Variants in TENM2 observed in about 807,000 individuals in gnomAD.
TENM2 encodes the protein teneurin-2.
TENM2 carries 52 observed loss-of-function variants against 245.2 expected under a neutral mutation model. That is an observed-to-expected ratio of 0.21 (90% CI 0.17 to 0.27). TENM2 has a LOEUF of 0.27. Among genes scored for constraint, TENM2 ranks in the 10% least tolerant of loss-of-function variants. TENM2 has a pLI of 1.00. For synonymous variants in TENM2, 1,363 were observed against 1,438.9 expected, an observed-to-expected ratio of 0.95 and a Z score of 1.19; for missense variants, 3,046 against 3,666.8, an observed-to-expected ratio of 0.83 and a Z score of 4.37.
At chr5:168,184,275 CAA>C (rs943461846) in intron 13 of TENM2, among the ~76,000 whole-genome samples, 4 of 152,166 alleles carry the variant, frequency 2.6e-5, no homozygotes, top group Non-Finnish European at 5.9e-5. Context: ...ACCATGACTG[CAA>C]AGAGTGCAGC....
rs149903695 is a variant in TENM2, at chr5:167,424,533, C to T, written c.502+49060C>T. On this transcript the variant is annotated intron_variant, in intron 2 of 28. Transcript: ENST00000518659. ...AAGGATAATAATTTTGCCGCAATCT[C>T]GTCACTTTTATTTTTAATTGTTGTG... Among the ~76,000 whole-genome samples the T allele has an allele frequency of 9.9e-5, 15 of 152,250 alleles. No individual in the cohort carries two copies. The East Asian group carries it at 1.5e-3, about 16-fold the overall frequency.
At chr5:167,940,980 C>T (rs1214139059) in intron 3 of TENM2, among the ~76,000 whole-genome samples, 5 of 152,190 alleles carry the variant, frequency 3.3e-5, no homozygotes, top group Non-Finnish European at 7.3e-5. Flanking sequence ...GATTATTTCA[C>T]GTGAGAGATG....
chr5:167,257,318 G>T, the TENM2 span, among the ~76,000 whole-genome samples: 1 of 151,672 alleles, frequency 6.6e-6, no homozygotes, highest in Non-Finnish European at 1.5e-5. Context: ...TATTCCATTT[G>T]AAGGTTATAA....
chr5:167,277,227 G>T, the TENM2 span, among the ~76,000 whole-genome samples: 1 of 151,450 alleles, frequency 6.6e-6, no homozygotes, highest in Non-Finnish European at 1.5e-5. Context: ...GGCTTTTTCT[G>T]TTGTCCAGTG....
At chr5:168,228,415 G>A (rs1764450493) in intron 25 of TENM2, among the ~76,000 whole-genome samples, 1 of 152,176 alleles carries the variant, frequency 6.6e-6, no homozygotes, top group African/African-American at 2.4e-5. Context: ...GCCATTTCCT[G>A]CTATGGGGAT....
chr5:168,146,318 T>A (rs1458764588), intron 12 of TENM2, among the ~76,000 whole-genome samples: 1 of 152,134 alleles, frequency 6.6e-6, no homozygotes, highest in Non-Finnish European at 1.5e-5. Context: ...CTAAAAAGGT[T>A]TCTAGGATGG....
the TENM2 span, among the ~76,000 whole-genome samples, chr5:167,001,511 G>T: frequency 5.3e-5 from 8 of 149,720 alleles, no homozygotes; most frequent in Middle Eastern, 3.6e-3. Flanking sequence ...TGCATGAAAA[G>T]AACAGTGTCT....
downstream of TENM2, chr5:168,263,707 C>G (rs1768412825): frequency 6.6e-6 from 1 of 152,522 alleles, no homozygotes; most frequent in South Asian, 2.1e-4. Context: ...TACGCAGTTA[C>G]AGGGTGTAGT....
intron 2 of TENM2, among the ~76,000 whole-genome samples, chr5:167,626,883 C>A (rs908081788): frequency 2.6e-5 from 4 of 152,236 alleles, no homozygotes; most frequent in Admixed American, 2.6e-4. Context: ...ACACCGGGGC[C>A]GCCACAGTGG....
rs181889452 is a variant in TENM2 at position 167,871,874 on chromosome 5, T to C, written c.503-4112T>C. Among the ~76,000 whole-genome samples the C allele has an allele frequency of 9.8e-5, 15 of 152,344 alleles. No individual in the cohort carries two copies. The East Asian group carries it at 2.5e-3, about 25-fold the overall frequency. Reference sequence around the variant, plus strand: ...TTTATAAAGTGAGCCTGTAGAAGTTTCAGTTTTCTCCCCTGTACTTTGGAA... The same window carrying C: ...TTTATAAAGTGAGCCTGTAGAAGTTCCAGTTTTCTCCCCTGTACTTTGGAA... On this transcript the variant is annotated intron_variant, in intron 2 of 28. Coordinates refer to ENST00000518659, the Ensembl canonical transcript of TENM2.
chr5:167,718,051 A>G (rs1253748506), intron 2 of TENM2, among the ~76,000 whole-genome samples: 1 of 152,188 alleles, frequency 6.6e-6, no homozygotes, highest in South Asian at 2.1e-4. Flanking sequence ...AATATCTAGC[A>G]TGCATATATG....
chr5:167,387,854 C>T lies in TENM2; in HGVS notation c.502+12381C>T, dbSNP rs115811832. On this transcript the variant is annotated intron_variant, in intron 2 of 28. Coordinates refer to ENST00000518659, the Ensembl canonical transcript of TENM2. The stretch of plus-strand genomic sequence containing the variant: ...TGCATCTGTTAAACCATCTCTGAAT[C>T]CCTGGTATGAAACCCACTGGATCAT... Among the ~76,000 whole-genome samples, 628 of 152,152 alleles carry T rather than the reference C, an allele frequency of 4.1e-3. 6 individuals are homozygous for T. The highest frequency in any genetic ancestry group is 0.015 in the African/African-American group (605 of 41,492).
the TENM2 span, among the ~76,000 whole-genome samples, chr5:167,086,365 G>T: frequency 6.6e-6 from 1 of 152,176 alleles, no homozygotes. Context: ...TCTGGGACAT[G>T]CGTATCTTGG....
chr5:167,720,412 A>G (rs1025182642), intron 2 of TENM2, among the ~76,000 whole-genome samples: 3 of 152,340 alleles, frequency 2.0e-5, no homozygotes, highest in South Asian at 4.1e-4. Flanking sequence ...GTTCCAGTAC[A>G]TACTTCCCTT....
chr5:167,876,074 G>A, exon 3 of TENM2: 1 of 1,551,376 alleles, frequency 6.4e-7, no homozygotes, highest in Non-Finnish European at 8.7e-7. Context: ...TTAGCTGCCA[G>A]ATGCCATTGC....
At chr5:167,673,976 C>A (rs1055164151) in intron 2 of TENM2, among the ~76,000 whole-genome samples, 8 of 152,120 alleles carry the variant, frequency 5.3e-5, no homozygotes, top group Admixed American at 5.2e-4. Context: ...ACTGAGATAG[C>A]ATGGGCTAAA....
At chr5:167,204,193 GA>G in the TENM2 span, among the ~76,000 whole-genome samples, 2 of 150,086 alleles carry the variant, frequency 1.3e-5, no homozygotes, top group Non-Finnish European at 3.0e-5. Context: ...GGAAATGAAA[GA>G]AATAAGGGGT....
At chr5:167,899,187 C>A (rs1370978910) in intron 3 of TENM2, among the ~76,000 whole-genome samples, 3 of 152,022 alleles carry the variant, frequency 2.0e-5, no homozygotes, top group Non-Finnish European at 4.4e-5. Flanking sequence ...TCCAATAATG[C>A]CTGCATGTGC....
chr5:167,178,897 T>G, the TENM2 span, among the ~76,000 whole-genome samples: 2 of 152,212 alleles, frequency 1.3e-5, no homozygotes, highest in South Asian at 4.1e-4. Context: ...CTTTTTCTTG[T>G]TACCTTAAGA....
Sources: allele counts gnomAD v4.1 joint callset (sites outside exome capture counted in the v4.1 genomes callset), GRCh38; gene constraint gnomAD v4.1.1; transcripts MANE v1.5; gene names NCBI Gene and HGNC (gene_info 2026-07-23, HGNC 2026-07-21).